NT5DC3: variants seen among roughly 807,000 people sequenced by gnomAD.
NT5DC3 encodes the protein 5'-nucleotidase domain-containing protein 3.
Under a neutral mutation model 67.8 loss-of-function variants are expected in NT5DC3, and 42 were observed. That is an observed-to-expected ratio of 0.62 (90% CI 0.48 to 0.80). The LOEUF is 0.80. NT5DC3 is among the 30% of genes least tolerant of loss of function. The pLI is 0.00. For synonymous variants in NT5DC3, 237 were observed against 255.6 expected (o/e 0.93, Z 0.69); for missense variants, 570 against 696.4 (o/e 0.82, Z 2.04).
At chr12:103,818,088 GCATGTGCAGATT>G (rs1887339242) in intron 1 of NT5DC3, among the ~76,000 whole-genome samples, 1 of 152,176 alleles carries the variant, frequency 6.6e-6, no homozygotes, top group Non-Finnish European at 1.5e-5. Context: ...TCCTCTCCAT[GCATGTGCAGATT>G]TTGCAGAAAA....
chr12:103,827,025 C>T (rs933253496), intron 1 of NT5DC3, among the ~76,000 whole-genome samples: 3 of 152,192 alleles, frequency 2.0e-5, no homozygotes, highest in African/African-American at 7.2e-5. Context: ...AGGCGGATCA[C>T]CTGAGGTCAG....
Position 103,773,341 on chromosome 12 carries a change from G to A in NT5DC3, c.*4488C>T, listed in dbSNP as rs1885236850. 1 of 152,068 alleles carries A rather than the reference G, an allele frequency of 6.6e-6. No homozygotes were observed. The highest frequency in any genetic ancestry group is 2.1e-4 in the South Asian group (1 of 4,816). 9.4% of individuals were successfully genotyped at this position (152,068 alleles called of 1,614,324 possible). ...AAAAAGCCAAAAATACTTCCTATCT[G>A]GCCTTTTACAGGAAAAGTTTGCTGA... On this transcript the variant is annotated 3_prime_UTR_variant, in exon 14 of 14. Coordinates refer to ENST00000392876, the MANE Select transcript of NT5DC3 (RefSeq NM_001031701.3).
intron 1 of NT5DC3, chr12:103,819,633 C>G (rs1887409170): frequency 6.6e-6 from 1 of 152,226 alleles, no homozygotes; most frequent in Non-Finnish European, 1.5e-5. Flanking sequence ...AGCTGGAAAG[C>G]CCCTGGCACT....
rs1885242774 is a variant in NT5DC3, at chr12:103,773,529, T to G, written c.*4300A>C. On this transcript the variant is annotated 3_prime_UTR_variant, in exon 14 of 14. Coordinates refer to ENST00000392876, the MANE Select transcript of NT5DC3 (RefSeq NM_001031701.3). ...GTCAAAGGTTAGCTGAACTTTGAGCTAAGCTCCTAAGGCAAAAAAGAAAGA... is the reference window on the plus strand; with the variant it reads ...GTCAAAGGTTAGCTGAACTTTGAGCGAAGCTCCTAAGGCAAAAAAGAAAGA... The G allele has an allele frequency of 6.6e-6, 1 of 152,206 alleles. No individual in the cohort carries two copies. The allele number at this position is 152,206 out of a possible 1,614,324, so 9.4% of individuals were successfully genotyped here.
intron 9 of NT5DC3, among the ~76,000 whole-genome samples, chr12:103,792,578 A>G (rs1380884518): frequency 6.6e-6 from 1 of 152,220 alleles, no homozygotes; most frequent in African/African-American, 2.4e-5. Flanking sequence ...AAGATATTTT[A>G]GCGTTCCCTG....
intron 10 of NT5DC3, 43 bp from the exon 11 acceptor site, chr12:103,787,570 G>C: frequency 8.8e-7 from 1 of 1,138,908 alleles, no homozygotes; most frequent in Non-Finnish European, 1.3e-6. Flanking sequence ...TACAGATAGA[G>C]ATCTGTCTAA....
intron 1 of NT5DC3, among the ~76,000 whole-genome samples, chr12:103,840,391 ATC>A (rs1491529486): frequency 3.1e-5 from 4 of 129,390 alleles, no homozygotes; most frequent in African/African-American, 1.0e-4. Context: ...ATCTCATCTC[ATC>A]TCATCTCATC....
In NT5DC3 at chr12:103,777,032, T is replaced by C. The variant is rs1346722205; in HGVS notation, c.*797A>G. 6.6e-6 allele frequency: 1 copy of C among 152,226 alleles called. No individual in the cohort carries two copies. The highest frequency in any genetic ancestry group is 1.5e-5 in the Non-Finnish European group (1 of 68,040). The allele number at this position is 152,226 out of a possible 1,614,324, so 9.4% of individuals were successfully genotyped here. On this transcript the variant is annotated 3_prime_UTR_variant, in exon 14 of 14. Transcript: ENST00000392876. ...GGTGTTTCCAGGTTTAACAAGCTCC[T>C]GGGAGACCTACCACAAATGTTTTGG...
At chr12:103,792,166 C>A (rs914150343) in intron 9 of NT5DC3, among the ~76,000 whole-genome samples, 1 of 152,186 alleles carries the variant, frequency 6.6e-6, no homozygotes, top group African/African-American at 2.4e-5. Flanking sequence ...AGCCGCCAGT[C>A]AGTGGGACAA....
chr12:103,830,341 T>G (rs1887874936), intron 1 of NT5DC3, among the ~76,000 whole-genome samples: 1 of 152,226 alleles, frequency 6.6e-6, no homozygotes, highest in African/African-American at 2.4e-5. Context: ...GATATTCTCT[T>G]TGTCTTTTGT....
At chr12:103,788,998 C>T (rs559888568) in intron 9 of NT5DC3, 79 bp from the exon 10 acceptor site, 12 of 964,520 alleles carry the variant, frequency 1.2e-5, no homozygotes, top group African/African-American at 1.1e-4. Flanking sequence ...TATTCACTAT[C>T]ACAGGAAGTA....
chr12:103,750,238 C>T, the NT5DC3 span, among the ~76,000 whole-genome samples: 2 of 152,186 alleles, frequency 1.3e-5, no homozygotes, highest in Admixed American at 1.3e-4. Context: ...ATGCACTGTA[C>T]AGAAACAAAT....
the NT5DC3 span, chr12:103,758,016 C>T: frequency 3.9e-5 from 43 of 1,104,290 alleles, no homozygotes; most frequent in Non-Finnish European, 4.8e-5. Flanking sequence ...AACTCTCCCA[C>T]GGCGCAGGCA....
At position 103,840,348 on chromosome 12, in the gene NT5DC3, T is replaced by A. The variant is rs1205413996; in HGVS notation, c.208+601A>T. On this transcript the variant is annotated intron_variant, in intron 1 of 13. Transcript: ENST00000392876. The stretch of plus-strand genomic sequence containing the variant: ...TGGATAACCCAGAACCTTCCCCACC[T>A]GGACCTCTCCTCTTTCAAACACCGC... Among the ~76,000 whole-genome samples the A allele has an allele frequency of 2.0e-5, 3 of 148,916 alleles. No homozygotes were observed. The East Asian group carries it at 5.9e-4, about 29-fold the overall frequency.
chr12:103,800,335 AATAAG>A (rs1276520762), intron 4 of NT5DC3, among the ~76,000 whole-genome samples: 1 of 152,252 alleles, frequency 6.6e-6, no homozygotes, highest in African/African-American at 2.4e-5. Context: ...TTGCTCCAGA[AATAAG>A]ATAAGACACT....
chr12:103,833,356 T>C (rs1265822608), intron 1 of NT5DC3, among the ~76,000 whole-genome samples: 1 of 152,268 alleles, frequency 6.6e-6, no homozygotes, highest in Non-Finnish European at 1.5e-5. Flanking sequence ...AATATTGGTC[T>C]AATTTTAAAA....
intron 1 of NT5DC3, among the ~76,000 whole-genome samples, chr12:103,820,494 T>G (rs922597766): frequency 6.6e-6 from 1 of 152,164 alleles, no homozygotes; most frequent in African/African-American, 2.4e-5. Flanking sequence ...AAGGAAACAT[T>G]TTTAAGCTGT....
intron 5 of NT5DC3, among the ~76,000 whole-genome samples, chr12:103,797,278 T>C (rs1171654916): frequency 6.6e-6 from 1 of 152,144 alleles, no homozygotes; most frequent in East Asian, 1.9e-4. Context: ...AAGATCAGCC[T>C]GGACAACATC....
chr12:103,791,914 A>G (rs1365504856), intron 9 of NT5DC3, among the ~76,000 whole-genome samples: 2 of 152,172 alleles, frequency 1.3e-5, no homozygotes, highest in Non-Finnish European at 2.9e-5. Context: ...CCCTACCCCC[A>G]CAAACCTGCT....
Sources: gnomAD v4.1 joint callset for allele counts (sites outside exome capture counted in the v4.1 genomes callset) on GRCh38, gnomAD v4.1.1 for gene constraint, MANE v1.5 for transcripts, NCBI Gene and HGNC (gene_info 2026-07-23, HGNC 2026-07-21) for gene names.